Variants in DMD observed in about 807,000 individuals in gnomAD.
DMD encodes mutant dystrophin.
Under a neutral mutation model 330.1 loss-of-function variants are expected in DMD, and 63 were observed. That is an observed-to-expected ratio of 0.19 (90% CI 0.16 to 0.24). DMD has a LOEUF of 0.24. Ranked by LOEUF, DMD falls within the 10% of genes least tolerant of loss-of-function variation. DMD has a pLI of 1.00. For synonymous variants in DMD, 1,223 were observed against 959.8 expected (o/e 1.27, Z -5.07); for missense variants, 3,344 against 2,684.1 (o/e 1.25, Z -5.43).
intron 9 of DMD, among the ~76,000 whole-genome samples, chrX:32,693,782 CT>C (rs1384839524): frequency 4.5e-5 from 5 of 111,439 alleles, no homozygotes; most frequent in African/African-American, 1.6e-4. Context: ...TGAGGGTAGC[CT>C]TCACTTTTAC....
intron 7 of DMD, among the ~76,000 whole-genome samples, chrX:32,740,339 G>T (rs1253171313): frequency 1.8e-5 from 2 of 110,089 alleles, no homozygotes; most frequent in Non-Finnish European, 3.8e-5. Flanking sequence ...ATTTATAGGG[G>T]CCATGGTACA....
Position 32,855,448 on chromosome X carries a change from C to T in DMD, c.94-5628G>A, listed in dbSNP as rs149607231. Among the ~76,000 whole-genome samples, 1,083 of 111,822 alleles carry T rather than the reference C, an allele frequency of 9.7e-3. 13 individuals carry two copies. The highest frequency in any genetic ancestry group is 0.033 in the African/African-American group (1,009 of 30,790). On this transcript the variant is annotated intron_variant, in intron 2 of 78. Transcript: ENST00000357033. ...GAGCTATACTAACCAAAAATGCATG[C>T]TAATGGCATAAAAACAGACACATAG... is the stretch of plus-strand genomic sequence containing the variant.
chrX:32,678,346 T>G (rs1458047049), intron 9 of DMD, among the ~76,000 whole-genome samples: 1 of 112,287 alleles, frequency 8.9e-6, no homozygotes, highest in Non-Finnish European at 1.9e-5. Context: ...TTTCAACACA[T>G]TTTTTATGTA....
intron 37 of DMD, among the ~76,000 whole-genome samples, chrX:32,360,990 A>T (rs769591108): frequency 1.4e-4 from 15 of 110,685 alleles, no homozygotes; most frequent in Non-Finnish European, 2.5e-4. Context: ...ACAAACTTGT[A>T]TTGGCTGGGT....
At chrX:33,293,244 C>G (rs905179565) in intron 1 of DMD, among the ~76,000 whole-genome samples, 3 of 111,476 alleles carry the variant, frequency 2.7e-5, no homozygotes, top group African/African-American at 9.8e-5. Context: ...GTCAGTGACT[C>G]TTGCATTCAT....
chrX:33,324,452 G>C (rs2054061341), intron 1 of DMD, among the ~76,000 whole-genome samples: 3 of 111,772 alleles, frequency 2.7e-5, no homozygotes, highest in Admixed American at 9.6e-5. Flanking sequence ...CTATTAGTCT[G>C]AGCCTTAATG....
At chrX:32,061,885 C>T (rs1162481209) in intron 44 of DMD, among the ~76,000 whole-genome samples, 2 of 111,153 alleles carry the variant, frequency 1.8e-5, no homozygotes, top group East Asian at 5.7e-4. Flanking sequence ...AACCAATGTA[C>T]GGAGGCCAGA....
At chrX:33,286,232 T>A (rs6628792) in intron 1 of DMD, among the ~76,000 whole-genome samples, 16,851 of 111,291 alleles carry the variant, frequency 0.15, 1,812 homozygotes, top group African/African-American at 0.37. Context: ...GTTTTATATA[T>A]CTAGAATTTT....
At chrX:31,528,990 A>C (rs900709323) in intron 55 of DMD, among the ~76,000 whole-genome samples, 1 of 111,146 alleles carries the variant, frequency 9.0e-6, no homozygotes, top group Non-Finnish European at 1.9e-5. Context: ...AAAATTAAAA[A>C]TAAAAATAAA....
intron 60 of DMD, among the ~76,000 whole-genome samples, chrX:31,372,101 ACGTTGTCTCT>A (rs1430506162): frequency 3.6e-5 from 4 of 111,535 alleles, no homozygotes; most frequent in Non-Finnish European, 7.5e-5. Flanking sequence ...GGTGATAATG[ACGTTGTCTCT>A]CCAAAGGTTG....
At chrX:32,713,593 T>C (rs2065395376) in intron 7 of DMD, among the ~76,000 whole-genome samples, 1 of 111,970 alleles carries the variant, frequency 8.9e-6, no homozygotes, top group South Asian at 3.7e-4. Flanking sequence ...ATTGCTCCTC[T>C]CTAGATTATT....
chrX:32,954,073 T>A (rs1031163684), intron 2 of DMD, among the ~76,000 whole-genome samples: 1 of 112,225 alleles, frequency 8.9e-6, no homozygotes, highest in African/African-American at 3.2e-5. Flanking sequence ...GCCAACATGA[T>A]AGAAAAGAAT....
Position 32,395,908 on chromosome X carries a change from G to C in DMD, c.4234-5727C>G, listed in dbSNP as rs189397859. Among the ~76,000 whole-genome samples, 29 of 111,125 alleles carry C rather than the reference G, an allele frequency of 2.6e-4. No individual in the cohort carries two copies. The East Asian group carries it at 7.1e-3, about 27-fold the overall frequency. The stretch of plus-strand genomic sequence containing the variant: ...GTTTCAGTGCCTCTCACTTGCAAGA[G>C]ACCCTTCTATAAACCAGCATTTAAT... On this transcript the variant is annotated intron_variant, in intron 30 of 78. Transcript: ENST00000357033.
chrX:32,243,938 CT>C (rs1191897784), intron 43 of DMD, among the ~76,000 whole-genome samples: 1 of 89,355 alleles, frequency 1.1e-5, no homozygotes, highest in African/African-American at 4.1e-5. Context: ...TATGAAAATT[CT>C]AACAAGAGGA....
At chrX:32,984,115 A>G (rs1007069277) in intron 2 of DMD, among the ~76,000 whole-genome samples, 1 of 111,905 alleles carries the variant, frequency 8.9e-6, no homozygotes. Context: ...ATTAATACAC[A>G]TAGTTCATAA....
intron 49 of DMD, among the ~76,000 whole-genome samples, chrX:31,829,465 T>TAA (rs1569459983): frequency 2.3e-5 from 2 of 87,894 alleles, no homozygotes; most frequent in African/African-American, 1.0e-4. Flanking sequence ...AAAAAAAATT[T>TAA]TTTAATTAAG....
intron 2 of DMD, among the ~76,000 whole-genome samples, chrX:33,012,573 G>A (rs910842943): frequency 4.5e-5 from 5 of 111,443 alleles, no homozygotes; most frequent in African/African-American, 1.6e-4. Flanking sequence ...CTCGACTTAA[G>A]ATATTTTGAC....
chrX:31,320,173 T>G (rs889406767), intron 62 of DMD, among the ~76,000 whole-genome samples: 3 of 112,216 alleles, frequency 2.7e-5, no homozygotes, highest in South Asian at 3.8e-4. Context: ...AACACGTAGT[T>G]TGAAGTATCA....
At chrX:32,830,009 T>A (rs1379907343) in intron 4 of DMD, among the ~76,000 whole-genome samples, 1 of 111,884 alleles carries the variant, frequency 8.9e-6, no homozygotes, top group Non-Finnish European at 1.9e-5. Flanking sequence ...GTACATGTCT[T>A]CTTCAAACTA....
Sources: allele counts gnomAD v4.1 joint callset (sites outside exome capture counted in the v4.1 genomes callset), GRCh38; gene constraint gnomAD v4.1.1; transcripts MANE v1.5; gene names NCBI Gene and HGNC (gene_info 2026-07-23, HGNC 2026-07-21).